Variants in MSRA observed in about 807,000 individuals in gnomAD.
MSRA encodes the protein mitochondrial peptide methionine sulfoxide reductase.
Under a neutral mutation model 31.3 loss-of-function variants are expected in MSRA, and 54 were observed. That is an observed-to-expected ratio of 1.73 (90% CI 1.39 to 2.17). The LOEUF (loss-of-function observed/expected upper bound fraction) is 2.17. Among genes scored for constraint, MSRA ranks in the 30% most tolerant of loss-of-function variants. MSRA has a pLI of 0.00. For missense variants in MSRA, 507 were observed against 300.9 expected, an observed-to-expected ratio of 1.69 and a Z score of -5.07; for synonymous variants, 169 against 116.5, an observed-to-expected ratio of 1.45 and a Z score of -2.90.
At chr8:10,377,804 G>T (rs187378652) in intron 5 of MSRA, among the ~76,000 whole-genome samples, 1 of 152,214 alleles carries the variant, frequency 6.6e-6, no homozygotes, top group African/African-American at 2.4e-5. Flanking sequence ...GAACAGCCAC[G>T]TGCTGGGTGT....
intron 1 of MSRA, among the ~76,000 whole-genome samples, chr8:10,091,489 T>C (rs186681859): frequency 6.6e-6 from 1 of 152,352 alleles, no homozygotes; most frequent in Non-Finnish European, 1.5e-5. Flanking sequence ...GCTGATTTCC[T>C]GTCTTGGCTA....
At chr8:10,319,804 G>A (rs934292592) in intron 4 of MSRA, 79 bp from the exon 5 acceptor site, 5 of 746,834 alleles carry the variant, frequency 6.7e-6, no homozygotes, top group South Asian at 3.7e-5. Context: ...GTGTCAAAAT[G>A]TCTCAGCATT....
chr8:10,367,528 T>G (rs1184452332), intron 5 of MSRA, among the ~76,000 whole-genome samples: 2 of 152,220 alleles, frequency 1.3e-5, no homozygotes, highest in Non-Finnish European at 2.9e-5. Flanking sequence ...CATCCTCGTG[T>G]GCTAGTCACT....
intron 5 of MSRA, 121 bp from the exon 6 acceptor site, chr8:10,428,027 G>A: frequency 1.9e-6 from 2 of 1,032,444 alleles, no homozygotes; most frequent in Non-Finnish European, 1.4e-6. Context: ...GCCTAAAGGG[G>A]ACCCACTGCA....
chr8:10,226,623 A>G (rs959459785), intron 2 of MSRA, among the ~76,000 whole-genome samples: 1 of 152,262 alleles, frequency 6.6e-6, no homozygotes, highest in African/African-American at 2.4e-5. Context: ...ATGAACAGAC[A>G]CATTTAGGAA....
At chr8:10,413,468 T>A (rs1026177125) in intron 5 of MSRA, among the ~76,000 whole-genome samples, 9 of 152,326 alleles carry the variant, frequency 5.9e-5, no homozygotes, top group African/African-American at 2.2e-4. Flanking sequence ...AGTTGCCACA[T>A]TATTTTTTAA....
At chr8:10,133,413 C>T (rs921787040) in intron 1 of MSRA, among the ~76,000 whole-genome samples, 8 of 152,286 alleles carry the variant, frequency 5.3e-5, no homozygotes, top group Admixed American at 2.6e-4. Context: ...GCTTGGCTAA[C>T]GCCTCAGTGC....
At chr8:10,131,981 T>C (rs936639440) in intron 1 of MSRA, among the ~76,000 whole-genome samples, 1 of 152,234 alleles carries the variant, frequency 6.6e-6, no homozygotes, top group African/African-American at 2.4e-5. Context: ...AAGCCTTTTA[T>C]ATGATTTTTT....
chr8:10,113,757 ATTTGCATTTTT>A (rs1800469731), intron 1 of MSRA, among the ~76,000 whole-genome samples: 1 of 150,894 alleles, frequency 6.6e-6, no homozygotes, highest in Non-Finnish European at 1.5e-5. Flanking sequence ...CAGCCCAGGT[ATTTGCATTTTT>A]TTTTTTTTTA....
intron 1 of MSRA, among the ~76,000 whole-genome samples, chr8:10,154,349 A>G (rs1803967512): frequency 6.6e-6 from 1 of 152,076 alleles, no homozygotes; most frequent in East Asian, 1.9e-4. Context: ...GGAAGGCTGA[A>G]GGACACATTT....
At chr8:10,151,140 G>A (rs573371824) in intron 1 of MSRA, among the ~76,000 whole-genome samples, 2 of 151,832 alleles carry the variant, frequency 1.3e-5, no homozygotes, top group African/African-American at 4.8e-5. Context: ...TATCAAGAAG[G>A]GCTTCCTGGG....
At chr8:10,105,309 C>A in intron 1 of MSRA, among the ~76,000 whole-genome samples, 1 of 152,054 alleles carries the variant, frequency 6.6e-6, no homozygotes, top group East Asian at 1.9e-4. Context: ...ATAATACATG[C>A]TTACAATCCA....
chr8:10,086,706 G>A (rs1798573815), intron 1 of MSRA, among the ~76,000 whole-genome samples: 1 of 150,026 alleles, frequency 6.7e-6, no homozygotes, highest in Admixed American at 6.6e-5. Flanking sequence ...GTCCATTGTG[G>A]CTTCTAACCT....
In MSRA at chr8:10,256,991, G is replaced by C. The variant is rs372393094; in HGVS notation, c.331+11768G>C. Among the ~76,000 whole-genome samples the C allele has an allele frequency of 2.1e-4, 32 of 152,268 alleles. No individual in the cohort carries two copies. In the East Asian group the frequency reaches 4.1e-3, roughly 19 times the overall value. ...CATTTCTTTCCTTCATAATAGCTCA[G>C]TGAAAAATGTTAAAATATTTTAAAA... On this transcript the variant is annotated intron_variant, in intron 3 of 5. Transcript: ENST00000317173.
chr8:10,350,082 C>T (rs1325568453), intron 5 of MSRA, among the ~76,000 whole-genome samples: 8 of 152,360 alleles, frequency 5.3e-5, no homozygotes, highest in African/African-American at 1.9e-4. Flanking sequence ...TTCCATTCTC[C>T]AGCTGGGCCA....
At chr8:10,241,069 A>C (rs758685774) in intron 2 of MSRA, among the ~76,000 whole-genome samples, 20 of 152,002 alleles carry the variant, frequency 1.3e-4, no homozygotes, top group Non-Finnish European at 2.9e-4. Flanking sequence ...CCTTGACCTT[A>C]TAATCTGGTG....
rs143553458 is a variant in MSRA at position 10,382,135 on chromosome 8, G to A, written c.544-46013G>A. 1.8e-4 allele frequency among the ~76,000 whole-genome samples: 27 copies of A among 152,348 alleles called. No homozygotes were observed. In the East Asian group the frequency reaches 4.6e-3, roughly 26 times the overall value. The stretch of plus-strand genomic sequence containing the variant: ...CCCAGTGACCGCTGGACTGGGCAAG[G>A]CTGTTGCAGCTGCAGGCCTTTGGCT... On this transcript the variant is annotated intron_variant, in intron 5 of 5. Transcript: ENST00000317173.
At chr8:10,187,358 G>T (rs1184786447) in intron 1 of MSRA, among the ~76,000 whole-genome samples, 1 of 152,156 alleles carries the variant, frequency 6.6e-6, no homozygotes, top group African/African-American at 2.4e-5. Flanking sequence ...AAGAAGCACA[G>T]GAAAGGAAAT....
chr8:10,320,038 G>C (rs758806454), intron 5 of MSRA, 49 bp downstream of exon 5: 2 of 1,263,946 alleles, frequency 1.6e-6, no homozygotes, highest in South Asian at 2.8e-5. Context: ...CCATGACTAG[G>C]GCCAGGTTCT....
Sources: allele counts gnomAD v4.1 joint callset (sites outside exome capture counted in the v4.1 genomes callset), GRCh38; gene constraint gnomAD v4.1.1; transcripts MANE v1.5; gene names NCBI Gene and HGNC (gene_info 2026-07-23, HGNC 2026-07-21).